Variants in RNASET2 observed in about 807,000 individuals in gnomAD.
RNASET2 encodes ribonuclease T2, also known as ribonuclease 6.
Under a neutral mutation model 33.9 loss-of-function variants are expected in RNASET2, and 28 were observed. The observed-to-expected ratio is 0.83, with a 90% CI of 0.61 to 1.13. The LOEUF (loss-of-function observed/expected upper bound fraction) is 1.13, where lower values mean the gene tolerates loss of function less well. RNASET2 is among the 50% of genes most tolerant of loss of function. RNASET2 has a pLI of 0.00. For synonymous variants in RNASET2, 123 were observed against 121.0 expected (o/e 1.02, Z -0.11); for missense variants, 330 against 319.9 (o/e 1.03, Z -0.24).
At chr6:166,940,050 C>T (rs1485112764) in intron 5 of RNASET2, among the ~76,000 whole-genome samples, 2 of 152,326 alleles carry the variant, frequency 1.3e-5, no homozygotes, top group African/African-American at 4.8e-5. Flanking sequence ...TTGAAGGCCA[C>T]GCTCAAGTCC....
chr6:166,955,199 A>C (rs1779083705), intron 1 of RNASET2, among the ~76,000 whole-genome samples: 3 of 134,244 alleles, frequency 2.2e-5, no homozygotes, highest in Admixed American at 2.2e-4. Flanking sequence ...GCACACACGC[A>C]CGCACACACG....
At chr6:166,930,939 A>T (rs1162538317) in intron 8 of RNASET2, 105 bp downstream of exon 8, 1 of 841,544 alleles carries the variant, frequency 1.2e-6, no homozygotes, top group Non-Finnish European at 2.1e-6. Context: ...ACAAATGCAC[A>T]AATACAAGTC....
In RNASET2 at chr6:166,927,659, TG is replaced by T. The variant is rs1176392291; in HGVS notation, c.*1928del. Among the ~76,000 whole-genome samples the T allele has an allele frequency of 8.4e-5, 11 of 131,548 alleles. No homozygotes were observed. Among genetic ancestry groups the T allele is most frequent in the African/African-American group, 3.2e-4 (10 of 31,708 alleles). The allele number at this position is 131,548 out of a possible 152,430, so 86.3% of individuals were successfully genotyped here. On this transcript the variant is annotated 3_prime_UTR_variant, in exon 9 of 9. Transcript: ENST00000508775. ...GTCTGTTCAAATTCACCAGCTCCTC[TG>T]GGAATAATGAAGATAAAACCCAAGC...
Position 166,929,422 on chromosome 6 carries a change from G to A in RNASET2, c.*166C>T, listed in dbSNP as rs1026158367. On this transcript the variant is annotated 3_prime_UTR_variant, in exon 9 of 9. Coordinates refer to ENST00000508775, the MANE Select transcript of RNASET2 (RefSeq NM_003730.6). The stretch of plus-strand genomic sequence containing the variant: ...GGCGTGGGAGAGCTCCTTTCTCCCC[G>A]TGTACGCCACATGCACTCACTCTAC... 2.7e-5 allele frequency: 20 copies of A among 744,116 alleles called. No individual in the cohort carries two copies. The highest frequency in any genetic ancestry group is 3.9e-4 in the Middle Eastern group (1 of 2,564). 46.1% of individuals were successfully genotyped at this position (744,116 alleles called of 1,614,324 possible).
chr6:166,938,957 G>A lies in RNASET2; in HGVS notation c.384C>T (p.Leu128=), dbSNP rs747499063. 3 of 1,613,648 alleles carry A rather than the reference G, an allele frequency of 1.9e-6. No homozygotes were observed. In the South Asian group the frequency reaches 3.3e-5, roughly 18 times the overall value. ...HGTCAAQVDA[L]NSQKKYFGRS... ...TGCCAAAGTACTTCTTCTGGGAGTT[G>A]AGCGCATCCACCTGGGCGGCGCAGG... The change falls in exon 6 of 9, where the codon CTC becomes CTT. Residue 128 remains leucine (L), a synonymous_variant. Coordinates refer to ENST00000508775, the MANE Select transcript of RNASET2 (RefSeq NM_003730.6).
chr6:166,954,129 C>T (rs1682014235), intron 1 of RNASET2, among the ~76,000 whole-genome samples: 1 of 151,950 alleles, frequency 6.6e-6, no homozygotes, highest in Admixed American at 6.6e-5. Context: ...CACAGATGCC[C>T]CCCTCCCCTA....
chr6:166,953,711 A>C (rs1334824937), intron 1 of RNASET2: 2 of 152,226 alleles, frequency 1.3e-5, no homozygotes, highest in African/African-American at 4.8e-5. Flanking sequence ...ACATGGTGAA[A>C]CCCTGTCTCT....
chr6:166,931,264 C>A, intron 7 of RNASET2, 146 bp from the exon 8 acceptor site: 1 of 699,174 alleles, frequency 1.4e-6, no homozygotes, highest in South Asian at 1.5e-5. Context: ...AGAATGATGC[C>A]CCCACCTCCA....
intron 2 of RNASET2, among the ~76,000 whole-genome samples, chr6:166,948,950 A>C (rs181766339): frequency 1.4e-3 from 216 of 152,214 alleles, no homozygotes; most frequent in African/African-American, 5.1e-3. Flanking sequence ...CGCAGTGACT[A>C]ATGCCTGTAA....
At chr6:166,954,171 A>C (rs1308775104) in intron 1 of RNASET2, among the ~76,000 whole-genome samples, 1 of 152,096 alleles carries the variant, frequency 6.6e-6, no homozygotes, top group Non-Finnish European at 1.5e-5. Flanking sequence ...AAGCTAAAGA[A>C]AGTCAAAGAA....
In RNASET2 at chr6:166,924,593, G is replaced by A. The variant is rs541678574; in HGVS notation, c.*4995C>T. Among the ~76,000 whole-genome samples, 27 of 152,058 alleles carry A rather than the reference G, an allele frequency of 1.8e-4. 1 individual carries two copies. Among genetic ancestry groups the A allele is most frequent in the Admixed American group, 1.2e-3 (18 of 15,276 alleles). ...TGCTGTCTCCCTTTCTTCAGGTTCC[G>A]AGGAAGCCTTCCCTGGCCGCCTTCA... On this transcript the variant is annotated 3_prime_UTR_variant, in exon 9 of 9. Transcript: ENST00000508775.
chr6:166,946,753 T>G lies in RNASET2; in HGVS notation c.204-14A>C. 1 of 1,532,184 alleles carries G rather than the reference T, an allele frequency of 6.5e-7. No individual in the cohort carries two copies. The highest frequency in any genetic ancestry group is 8.9e-7 in the Non-Finnish European group (1 of 1,121,338). 94.9% of individuals were successfully genotyped at this position (1,532,184 alleles called of 1,614,324 possible). A position where few individuals can be genotyped will look rare whatever the true frequency, so the allele number is the denominator to read the frequency against. On this transcript the variant is annotated splice_polypyrimidine_tract_variant and intron_variant, in intron 3 of 8. Coordinates refer to ENST00000508775, the MANE Select transcript of RNASET2 (RefSeq NM_003730.6). ...CTTTTATCGGGCCTGGAAATTCAAA[T>G]TTAAAAGAGAAAATAAGAAATATTA...
intron 1 of RNASET2, 40 bp from the exon 2 acceptor site, chr6:166,952,588 TTA>T (rs1779013109): frequency 6.5e-7 from 1 of 1,536,056 alleles, no homozygotes; most frequent in Non-Finnish European, 9.0e-7. Context: ...AGAACTTTTT[TTA>T]AAGTTACAGA....
At chr6:166,935,740 C>T (rs932205717) in intron 6 of RNASET2, among the ~76,000 whole-genome samples, 4 of 152,144 alleles carry the variant, frequency 2.6e-5, no homozygotes, top group Admixed American at 6.5e-5. Flanking sequence ...TGCAGTGGTG[C>T]GATCTCGACT....
chr6:166,944,910 C>T lies in RNASET2; in HGVS notation c.261+1772G>A, dbSNP rs139911196. On this transcript the variant is annotated intron_variant, in intron 4 of 8. Coordinates refer to ENST00000508775, the MANE Select transcript of RNASET2 (RefSeq NM_003730.6). The stretch of plus-strand genomic sequence containing the variant: ...GCTGTCCCCTTAGCCCACCCACATC[C>T]GTCAGCCCTGCCCCCTCACCCACCC... Among the ~76,000 whole-genome samples the T allele has an allele frequency of 1.2e-3, 184 of 150,554 alleles. 2 individuals carry two copies. Among genetic ancestry groups the T allele is most frequent in the Admixed American group, 2.3e-3 (35 of 15,112 alleles).
At chr6:166,947,732 C>G (rs971902191) in intron 3 of RNASET2, among the ~76,000 whole-genome samples, 2 of 152,134 alleles carry the variant, frequency 1.3e-5, no homozygotes, top group African/African-American at 4.8e-5. Flanking sequence ...CCTAAGGAGC[C>G]AGGAGGCACC....
intron 1 of RNASET2, among the ~76,000 whole-genome samples, chr6:166,955,175 C>CCCCACACACA (rs1779077490): frequency 2.3e-5 from 3 of 131,028 alleles, no homozygotes; most frequent in African/African-American, 9.6e-5. Context: ...TGGGCGGCTG[C>CCCCACACACA]CACACACACA....
Position 166,923,416 on chromosome 6 carries a change from C to T in RNASET2, c.*6172G>A, listed in dbSNP as rs1472127179. ...TGTATTTTTAGTAGAGATAGGGTTT[C>T]GTCCTGTTGGCCAGGGTGGTCTTGA... On this transcript the variant is annotated 3_prime_UTR_variant, in exon 9 of 9. Coordinates refer to ENST00000508775, the MANE Select transcript of RNASET2 (RefSeq NM_003730.6). 6.6e-5 allele frequency among the ~76,000 whole-genome samples: 10 copies of T among 151,892 alleles called. No individual in the cohort carries two copies. The highest frequency in any genetic ancestry group is 6.6e-5 in the Admixed American group (1 of 15,250).
chr6:166,956,169 G>T lies in RNASET2; in HGVS notation c.14C>A (p.Ala5Asp), dbSNP rs1460580760. Residue 5 changes from alanine (A) to aspartate (D), a missense_variant, in exon 1 of 9, where the codon GCC becomes GAC. Physicochemically the swap from Ala to Asp is moderately radical, Grantham distance 126. Coordinates refer to ENST00000508775, the MANE Select transcript of RNASET2 (RefSeq NM_003730.6). MRPAALRGALLGCLC... is the reference protein window; with the variant it reads MRPADLRGALLGCLC... ...GCAGCCCAGCAGGGCCCCGCGCAGG[G>T]CTGCAGGGCGCATGGTGCCGACCTG... 1 of 1,549,614 alleles carries T rather than the reference G, an allele frequency of 6.5e-7. No homozygotes were observed. Among genetic ancestry groups the T allele is most frequent in the Non-Finnish European group, 8.7e-7 (1 of 1,146,556 alleles).
Sources: gnomAD v4.1 joint callset for allele counts (sites outside exome capture counted in the v4.1 genomes callset) on GRCh38, gnomAD v4.1.1 for gene constraint, MANE v1.5 for transcripts, NCBI Gene and HGNC (gene_info 2026-07-23, HGNC 2026-07-21) for gene names.